The following PCDHGB2 variants were observed in gnomAD, a reference collection of about 807,000 sequenced individuals.
PCDHGB2 encodes protocadherin gamma-B2.
In PCDHGB2, 55 loss-of-function variants were observed where a neutral mutation model predicts 59.3. The ratio of observed to expected loss-of-function variants is 0.93; its 90% confidence interval spans 0.75 to 1.16. PCDHGB2 has a LOEUF of 1.16. Among genes scored for constraint, PCDHGB2 ranks in the 50% most tolerant of loss-of-function variants. The pLI is 0.00. For synonymous variants in PCDHGB2, 516 were observed against 512.0 expected (o/e 1.01, Z -0.11); for missense variants, 1,228 against 1,198.5 (o/e 1.02, Z -0.36).
intron 1 of PCDHGB2, among the ~76,000 whole-genome samples, chr5:141,458,992 C>G (rs1268862644): frequency 6.6e-6 from 1 of 152,190 alleles, no homozygotes; most frequent in African/African-American, 2.4e-5. Flanking sequence ...CTCACCCTCC[C>G]AAAGTGCTGG....
intron 1 of PCDHGB2, chr5:141,366,464 C>T (rs770814147): frequency 6.2e-7 from 1 of 1,614,226 alleles, no homozygotes; most frequent in Non-Finnish European, 8.5e-7. Flanking sequence ...CATCGTGCTG[C>T]TGGTGCTCAG....
chr5:141,394,514 C>G (rs2093021412), intron 1 of PCDHGB2: 2 of 1,614,230 alleles, frequency 1.2e-6, no homozygotes, highest in South Asian at 1.1e-5. Context: ...ACCCCGCCCT[C>G]CCCACAGACG....
rs759642890 is a variant in PCDHGB2 at position 141,389,812 on chromosome 5, C to A, written c.2421+27256C>A. ...GCCGTCCGCCAGCGCCTTCTGGTCG[C>A]CGTGCGTGACGGTGGACAGCCACCA... On this transcript the variant is annotated intron_variant, in intron 1 of 3. Transcript: ENST00000522605. 6.8e-6 allele frequency: 11 copies of A among 1,613,768 alleles called. No individual in the cohort carries two copies. The South Asian group carries it at 1.2e-4, about 18-fold the overall frequency.
intron 1 of PCDHGB2, chr5:141,382,741 C>G: frequency 3.4e-6 from 2 of 582,496 alleles, no homozygotes; most frequent in East Asian, 2.8e-5. Context: ...AGAGAAACGA[C>G]AGATTGCGAT....
chr5:141,458,347 T>A (rs1351687231), intron 1 of PCDHGB2, among the ~76,000 whole-genome samples: 1 of 151,916 alleles, frequency 6.6e-6, no homozygotes, highest in Non-Finnish European at 1.5e-5. Flanking sequence ...AGTGGAGAGT[T>A]TAATAAGCAA....
intron 1 of PCDHGB2, chr5:141,417,622 G>T (rs1036510827): frequency 1.5e-6 from 1 of 668,534 alleles, no homozygotes; most frequent in Non-Finnish European, 2.4e-6. Flanking sequence ...TGCAGAGCAA[G>T]CGCTGACGCC....
intron 1 of PCDHGB2, among the ~76,000 whole-genome samples, chr5:141,401,282 C>G (rs963741934): frequency 4.0e-5 from 6 of 151,884 alleles, no homozygotes; most frequent in African/African-American, 1.5e-4. Context: ...GTGGAGGTTG[C>G]GGTGAGCCGA....
At chr5:141,389,008 G>A in intron 1 of PCDHGB2, 1 of 1,613,992 alleles carries the variant, frequency 6.2e-7, no homozygotes. Flanking sequence ...AAGGATTCCA[G>A]ACACAATGGA....
At chr5:141,388,835 G>T in intron 1 of PCDHGB2, 1 of 1,613,946 alleles carries the variant, frequency 6.2e-7, no homozygotes, top group South Asian at 1.1e-5. Flanking sequence ...CCATAGTTTT[G>T]GAAGCAAGGG....
intron 1 of PCDHGB2, chr5:141,394,811 C>T (rs1225635250): frequency 6.2e-7 from 1 of 1,613,888 alleles, no homozygotes; most frequent in African/African-American, 1.3e-5. Flanking sequence ...CCGTGGCTGA[C>T]AGCATCCCCG....
intron 1 of PCDHGB2, chr5:141,389,148 G>A (rs749167212): frequency 6.2e-7 from 1 of 1,613,996 alleles, no homozygotes. Context: ...AACCGTTACG[G>A]CAACAGATCG....
At position 141,489,425 on chromosome 5, in the gene PCDHGB2, G is replaced by C. The variant is rs779739693; in HGVS notation, c.2422-5382G>C. On this transcript the variant is annotated intron_variant, in intron 1 of 3. Transcript: ENST00000522605. This position sits in a 1 kb window ranked among gnomAD's most constrained non-coding sequence, Gnocchi z 4.5. ...TTAAAGATGACAGATCTGTTGAGCC[G>C]GCGGCTGCAATTGGGCTCTGAGGAG... The C allele has an allele frequency of 4.3e-6, 7 of 1,614,118 alleles. No individual in the cohort carries two copies. The highest frequency in any genetic ancestry group is 1.1e-5 in the South Asian group (1 of 91,070).
chr5:141,405,164 T>C, intron 1 of PCDHGB2: 1 of 1,614,076 alleles, frequency 6.2e-7, no homozygotes, highest in East Asian at 2.2e-5. Flanking sequence ...TGTGCCCACC[T>C]CACACTTTGT....
chr5:141,463,910 A>G (rs2099071862), intron 1 of PCDHGB2, among the ~76,000 whole-genome samples: 1 of 152,178 alleles, frequency 6.6e-6, no homozygotes, highest in Admixed American at 6.5e-5. Flanking sequence ...CTAATAATAT[A>G]TCCTGGAAAT....
chr5:141,362,219 C>T lies in PCDHGB2; in HGVS notation c.2084C>T (p.Ala695Val), dbSNP rs368538544. ...QAKLQFYLVV[A>V]LALISVLFFL... ...AAACTGCAGTTTTACCTGGTTGTGG[C>T]CTTGGCCTTGATCTCAGTGCTCTTC... The change falls in exon 1 of 4, where the codon GCC becomes GTC. Residue 695 changes from alanine (A) to valine (V), a missense_variant. Transcript: ENST00000522605. The T allele has an allele frequency of 1.5e-4, 249 of 1,613,916 alleles. No homozygotes were observed. Among genetic ancestry groups the T allele is most frequent in the Non-Finnish European group, 1.9e-4 (226 of 1,179,908 alleles).
chr5:141,511,342 C>T lies in PCDHGB2; in HGVS notation c.*169C>T. On this transcript the variant is annotated 3_prime_UTR_variant, in exon 4 of 4. Transcript: ENST00000522605. The stretch of plus-strand genomic sequence containing the variant: ...AACAAGTGCCCAGTCAGCACCTACC[C>T]CTTCCCCCCCAGGGGGTTGAATATG... The T allele has an allele frequency of 7.0e-7, 1 of 1,425,078 alleles. No individual in the cohort carries two copies. Among genetic ancestry groups the T allele is most frequent in the East Asian group, 2.5e-5 (1 of 40,014 alleles). 88.3% of individuals were successfully genotyped at this position (1,425,078 alleles called of 1,614,324 possible). A position where few individuals can be genotyped will look rare whatever the true frequency, so the allele number is the denominator to read the frequency against.
At chr5:141,488,784 T>C (rs116057353) in intron 1 of PCDHGB2, among the ~76,000 whole-genome samples, 1 of 152,248 alleles carries the variant, frequency 6.6e-6, no homozygotes, top group African/African-American at 2.4e-5. Flanking sequence ...TTGTATCACT[T>C]TGTCTTCCCT....
intron 1 of PCDHGB2, chr5:141,393,628 G>A: frequency 6.2e-7 from 1 of 1,613,922 alleles, no homozygotes; most frequent in African/African-American, 1.3e-5. Context: ...CCGGATGAGG[G>A]AATCAACGGA....
Position 141,493,957 on chromosome 5 carries a change from G to A in PCDHGB2, c.2422-850G>A, listed in dbSNP as rs1360777586. 6.6e-6 allele frequency among the ~76,000 whole-genome samples: 1 copy of A among 152,228 alleles called. No individual in the cohort carries two copies. The highest frequency in any genetic ancestry group is 2.4e-5 in the African/African-American group (1 of 41,458). On this transcript the variant is annotated intron_variant, in intron 1 of 3. Coordinates refer to ENST00000522605, the MANE Select transcript of PCDHGB2 (RefSeq NM_018923.3). This position sits in a 1 kb window ranked among gnomAD's most constrained non-coding sequence, Gnocchi z 4.3. ...AGACCAGAAGGGACTCAGGAATGAA[G>A]TGGCTGGCCAGAGCCCCACACCTTC... is the stretch of plus-strand genomic sequence containing the variant.
Sources: allele counts gnomAD v4.1 joint callset (sites outside exome capture counted in the v4.1 genomes callset), GRCh38; gene constraint gnomAD v4.1.1; non-coding constraint Gnocchi (gnomAD v3.1); transcripts MANE v1.5; gene names NCBI Gene and HGNC (gene_info 2026-07-23, HGNC 2026-07-21).